ODF2L: variants seen among roughly 807,000 people sequenced by gnomAD.
ODF2L encodes protein BCAP.
Under a neutral mutation model 86.3 loss-of-function variants are expected in ODF2L, and 76 were observed. The observed-to-expected ratio is 0.88, with a 90% CI of 0.73 to 1.07. The LOEUF is 1.07. ODF2L is among the 50% of genes least tolerant of loss of function. The pLI is 0.00. For missense variants in ODF2L, 748 were observed against 717.4 expected, an observed-to-expected ratio of 1.04 and a Z score of -0.49; for synonymous variants, 241 against 231.3, an observed-to-expected ratio of 1.04 and a Z score of -0.38.
At chr1:86,366,333 C>T (rs1196607058) in intron 11 of ODF2L, among the ~76,000 whole-genome samples, 2 of 150,310 alleles carry the variant, frequency 1.3e-5, no homozygotes, top group Non-Finnish European at 3.0e-5. Context: ...GTGGGAGGAT[C>T]GCTTGAGCCC....
intron 12 of ODF2L, 140 bp from the exon 12 acceptor site, chr1:86,359,031 C>A: frequency 4.1e-6 from 2 of 491,198 alleles, no homozygotes; most frequent in Non-Finnish European, 7.2e-6. Flanking sequence ...GTTATTACTT[C>A]TTTAAATATG....
chr1:86,355,444 A>G, intron 14 of ODF2L: 2 of 911,170 alleles, frequency 2.2e-6, no homozygotes, highest in East Asian at 2.6e-5. Flanking sequence ...CATAATTTCA[A>G]TTAGTAATTT....
At chr1:86,375,986 G>A (rs147487338) in intron 8 of ODF2L, among the ~76,000 whole-genome samples, 65 of 151,992 alleles carry the variant, frequency 4.3e-4, no homozygotes, top group East Asian at 1.4e-3. Context: ...GTGTGGAGGC[G>A]GGGGGGACAC....
At chr1:86,356,751 G>A (rs1254367679) in intron 13 of ODF2L, 149 bp from the exon 13 acceptor site, 1 of 608,824 alleles carries the variant, frequency 1.6e-6, no homozygotes, top group African/African-American at 1.9e-5. Flanking sequence ...ATTAAACTCT[G>A]TTAAATAAGA....
chr1:86,355,829 CA>C (rs1658514612), intron 14 of ODF2L, among the ~76,000 whole-genome samples: 2 of 151,942 alleles, frequency 1.3e-5, no homozygotes, highest in Non-Finnish European at 2.9e-5. Flanking sequence ...GGAAGATAGA[CA>C]GGGAATGCTT....
At chr1:86,354,048 G>C (rs1658346811) in intron 16 of ODF2L, among the ~76,000 whole-genome samples, 1 of 152,204 alleles carries the variant, frequency 6.6e-6, no homozygotes, top group Non-Finnish European at 1.5e-5. Context: ...GCTAAGGCCA[G>C]GTCTTATTCA....
At chr1:86,360,703 C>A in intron 11 of ODF2L, 167 bp from the exon 11 acceptor site, 1 of 415,382 alleles carries the variant, frequency 2.4e-6, no homozygotes, top group Non-Finnish European at 4.2e-6. Context: ...AAGCTAGTGA[C>A]TAATAATTAT....
downstream of ODF2L, chr1:86,349,759 C>T (rs1056548008): frequency 6.6e-6 from 1 of 152,124 alleles, no homozygotes; most frequent in African/African-American, 2.4e-5. Context: ...TCAGGCTTCC[C>T]GAGGGGTGCC....
intron 16 of ODF2L, among the ~76,000 whole-genome samples, chr1:86,353,321 G>A (rs942743957): frequency 2.6e-5 from 4 of 152,166 alleles, no homozygotes; most frequent in Non-Finnish European, 4.4e-5. Flanking sequence ...AGGGTGTTAA[G>A]AGCAGTGATG....
chr1:86,362,793 G>A (rs1362452137), intron 11 of ODF2L, among the ~76,000 whole-genome samples: 1 of 152,082 alleles, frequency 6.6e-6, no homozygotes, highest in African/African-American at 2.4e-5. Flanking sequence ...CCCAGTAACT[G>A]GGATTACAGG....
At chr1:86,366,180 TA>T (rs1659400365) in intron 11 of ODF2L, among the ~76,000 whole-genome samples, 1 of 152,036 alleles carries the variant, frequency 6.6e-6, no homozygotes, top group African/African-American at 2.4e-5. Flanking sequence ...GTCTCATTTG[TA>T]AATTTTTAAA....
chr1:86,387,320 T>C (rs1351752635), intron 1 of ODF2L, among the ~76,000 whole-genome samples: 1 of 152,166 alleles, frequency 6.6e-6, no homozygotes. Context: ...TGATAATTCC[T>C]AAATAATCAC....
intron 13 of ODF2L, among the ~76,000 whole-genome samples, chr1:86,357,329 G>C (rs1393466859): frequency 6.6e-6 from 1 of 150,672 alleles, no homozygotes; most frequent in East Asian, 2.0e-4. Flanking sequence ...TGGCATTCTT[G>C]ATCAGGAAAG....
At chr1:86,378,110 T>C (rs1222710899) in intron 7 of ODF2L, among the ~76,000 whole-genome samples, 1 of 152,188 alleles carries the variant, frequency 6.6e-6, no homozygotes, top group African/African-American at 2.4e-5. Flanking sequence ...AATGTTTTTC[T>C]GATTAGAAAT....
chr1:86,381,178 C>G (rs191030312), intron 7 of ODF2L, among the ~76,000 whole-genome samples: 9 of 152,124 alleles, frequency 5.9e-5, no homozygotes, highest in Admixed American at 5.9e-4. Flanking sequence ...AATTTCATAG[C>G]AAAATTTTAG....
chr1:86,358,703 A>C, intron 13 of ODF2L, 84 bp downstream of exon 12: 1 of 553,982 alleles, frequency 1.8e-6, no homozygotes. Context: ...GAACTAGAGA[A>C]AATGACCAAA....
chr1:86,376,488 T>C (rs1264246736), intron 7 of ODF2L, 70 bp from the exon 8 acceptor site: 5 of 923,264 alleles, frequency 5.4e-6, no homozygotes, highest in Non-Finnish European at 4.9e-6. Flanking sequence ...TGTAAAAATA[T>C]GTACATAACT....
chr1:86,365,070 T>G (rs768674358), intron 11 of ODF2L, among the ~76,000 whole-genome samples: 1 of 152,198 alleles, frequency 6.6e-6, no homozygotes, highest in Non-Finnish European at 1.5e-5. Flanking sequence ...ATGAACAATA[T>G]TGTGTCTAGT....
chr1:86,394,121 G>A (rs772854345), intron 1 of ODF2L, among the ~76,000 whole-genome samples: 15 of 152,264 alleles, frequency 9.9e-5, no homozygotes, highest in South Asian at 2.1e-4. Flanking sequence ...TCACAAGGTT[G>A]TTATTAAAAA....
Sources: allele counts gnomAD v4.1 joint callset (sites outside exome capture counted in the v4.1 genomes callset), GRCh38; gene constraint gnomAD v4.1.1; transcripts MANE v1.5; gene names NCBI Gene and HGNC (gene_info 2026-07-23, HGNC 2026-07-21).